The following CECR2 variants were observed in gnomAD, a reference collection of about 807,000 sequenced individuals.
CECR2 encodes CECR2 histone acetyl-lysine reader.
Under a neutral mutation model 154.5 loss-of-function variants are expected in CECR2, and 30 were observed. That is an observed-to-expected ratio of 0.19 (90% CI 0.15 to 0.26). The LOEUF is 0.26. CECR2 is among the 10% of genes least tolerant of loss of function. CECR2 has a pLI of 1.00. For synonymous variants in CECR2, 725 were observed against 683.7 expected (o/e 1.06, Z -0.94); for missense variants, 1,743 against 1,829.3 (o/e 0.95, Z 0.86).
At chr22:17,423,825 T>C (rs1348529414) in intron 1 of CECR2, among the ~76,000 whole-genome samples, 1 of 152,182 alleles carries the variant, frequency 6.6e-6, no homozygotes, top group East Asian at 1.9e-4. Context: ...ACGTCATCTC[T>C]TTGAGGAATC....
intron 5 of CECR2, among the ~76,000 whole-genome samples, chr22:17,501,612 C>T (rs913530238): frequency 4.6e-5 from 7 of 152,178 alleles, no homozygotes; most frequent in African/African-American, 1.7e-4. Context: ...AATCAGCATC[C>T]ACTTAACTTT....
intron 9 of CECR2, chr22:17,524,887 A>AT: frequency 2.6e-6 from 1 of 388,790 alleles, no homozygotes; most frequent in South Asian, 1.7e-5. Context: ...GGTTGGTCTC[A>AT]AACTGCTGAC....
intron 1 of CECR2, among the ~76,000 whole-genome samples, chr22:17,414,119 C>G (rs541715073): frequency 6.6e-6 from 1 of 151,940 alleles, no homozygotes; most frequent in South Asian, 2.1e-4. Flanking sequence ...ACTACAGGTG[C>G]CTGCCACCAC....
intron 1 of CECR2, among the ~76,000 whole-genome samples, chr22:17,402,754 CTTTT>C (rs386394918): frequency 0.05 from 6,159 of 122,982 alleles, 166 homozygotes; most frequent in African/African-American, 0.11. Context: ...TTCTTTTCTT[CTTTT>C]TTTTTTTTTT....
At chr22:17,491,683 C>T (rs937820186) in intron 2 of CECR2, among the ~76,000 whole-genome samples, 1 of 151,522 alleles carries the variant, frequency 6.6e-6, no homozygotes, top group African/African-American at 2.4e-5. Context: ...ATGCCTTATA[C>T]ATGATACTTG....
intron 1 of CECR2, among the ~76,000 whole-genome samples, chr22:17,371,544 A>T (rs1355407855): frequency 6.6e-6 from 1 of 152,236 alleles, no homozygotes; most frequent in Non-Finnish European, 1.5e-5. Flanking sequence ...AGGTCAAAGG[A>T]TGTTTCTCAG....
At position 17,505,026 on chromosome 22, in the gene CECR2, A is replaced by T. The variant is rs766207839; in HGVS notation, c.870+10A>T. On this transcript the variant is annotated intron_variant, in intron 7 of 18. Transcript: ENST00000262608. Reference sequence around the variant, plus strand: ...CATGATCGCCCAGAAGGTGCGCCACACTCTCTGCTCTGTCCTCCTCAGTGT... The same window carrying T: ...CATGATCGCCCAGAAGGTGCGCCACTCTCTCTGCTCTGTCCTCCTCAGTGT... 6.2e-7 allele frequency: 1 copy of T among 1,611,706 alleles called. No homozygotes were observed. Among genetic ancestry groups the T allele is most frequent in the Non-Finnish European group, 8.5e-7 (1 of 1,179,266 alleles).
At chr22:17,490,860 C>G (rs2055516348) in intron 2 of CECR2, among the ~76,000 whole-genome samples, 1 of 148,644 alleles carries the variant, frequency 6.7e-6, no homozygotes, top group Non-Finnish European at 1.5e-5. Context: ...ACAGAAGACA[C>G]TTTGTACCAT....
At chr22:17,516,548 TCCCC>T (rs1231398273) in intron 8 of CECR2, among the ~76,000 whole-genome samples, 1 of 152,090 alleles carries the variant, frequency 6.6e-6, no homozygotes, top group East Asian at 1.9e-4. Context: ...GGGATGGACT[TCCCC>T]CTTGCTGTTC....
chr22:17,523,520 G>T (rs2056195004), intron 8 of CECR2, among the ~76,000 whole-genome samples: 1 of 152,014 alleles, frequency 6.6e-6, no homozygotes, highest in Non-Finnish European at 1.5e-5. Context: ...ACTTTGGGAG[G>T]CTGAGGCAGG....
intron 7 of CECR2, among the ~76,000 whole-genome samples, chr22:17,507,083 T>TA (rs1849084889): frequency 6.6e-6 from 1 of 152,222 alleles, no homozygotes; most frequent in Non-Finnish European, 1.5e-5. Flanking sequence ...GCCAGTGAAA[T>TA]ATGAAGAGAA....
chr22:17,544,157 G>A (rs964145481), intron 16 of CECR2, among the ~76,000 whole-genome samples: 5 of 152,144 alleles, frequency 3.3e-5, no homozygotes, highest in African/African-American at 1.2e-4. Context: ...GTTGAGCCCA[G>A]GAGTTCGAGA....
intron 6 of CECR2, among the ~76,000 whole-genome samples, chr22:17,503,548 A>T (rs1252730484): frequency 6.6e-6 from 1 of 152,232 alleles, no homozygotes; most frequent in African/African-American, 2.4e-5. Flanking sequence ...ACCAGTTTGC[A>T]CAGTGTAGTT....
In CECR2 at chr22:17,541,854, G is replaced by C; in HGVS notation, c.1900G>C (p.Gly634Arg). ...FLNQMRPAVP[G>R]TFGPLRGSDP... ...TGTGCTGCAGAGGCCAGCAGTACCAGGAACATTTGGCCCTCTGCGAGGATC... is the reference window on the plus strand; with the variant it reads ...TGTGCTGCAGAGGCCAGCAGTACCACGAACATTTGGCCCTCTGCGAGGATC... The change falls in exon 15 of 19, where the codon GGA becomes CGA. Residue 634 changes from glycine (G) to arginine (R), a missense_variant. Coordinates refer to ENST00000262608, the MANE Select transcript of CECR2 (RefSeq NM_001290047.2). 6.2e-7 allele frequency: 1 copy of C among 1,613,750 alleles called. No individual in the cohort carries two copies. The highest frequency in any genetic ancestry group is 1.1e-5 in the South Asian group (1 of 91,024).
chr22:17,427,354 T>G (rs181274814), intron 1 of CECR2, among the ~76,000 whole-genome samples: 85 of 152,310 alleles, frequency 5.6e-4, no homozygotes, highest in African/African-American at 1.9e-3. Context: ...GTATCATGAT[T>G]TATAATCCTT....
intron 1 of CECR2, among the ~76,000 whole-genome samples, chr22:17,432,263 A>T (rs776695420): frequency 6.6e-6 from 1 of 152,188 alleles, no homozygotes; most frequent in Non-Finnish European, 1.5e-5. Context: ...CACTTAGCAG[A>T]ATGTTTTTAT....
At chr22:17,483,314 C>T (rs1368980131) in intron 2 of CECR2, among the ~76,000 whole-genome samples, 1 of 152,196 alleles carries the variant, frequency 6.6e-6, no homozygotes, top group Non-Finnish European at 1.5e-5. Context: ...AATCCCAGCA[C>T]TCTGGGAGGA....
intron 1 of CECR2, among the ~76,000 whole-genome samples, chr22:17,362,847 AGCCGAGATTGT>A (rs1175673136): frequency 1.4e-5 from 2 of 144,316 alleles, no homozygotes; most frequent in South Asian, 2.3e-4. Flanking sequence ...GGTTGCAGTG[AGCCGAGATTGT>A]GCCACTGAAC....
intron 1 of CECR2, among the ~76,000 whole-genome samples, chr22:17,465,679 T>G (rs2055019573): frequency 6.6e-6 from 1 of 151,978 alleles, no homozygotes; most frequent in African/African-American, 2.4e-5. Flanking sequence ...GAGACGGGGT[T>G]TCACCGTCTT....
Sources: gnomAD v4.1 joint callset for allele counts (sites outside exome capture counted in the v4.1 genomes callset) on GRCh38, gnomAD v4.1.1 for gene constraint, MANE v1.5 for transcripts, NCBI Gene and HGNC (gene_info 2026-07-23, HGNC 2026-07-21) for gene names.